CFAP299: variants seen among roughly 807,000 people sequenced by gnomAD.
CFAP299 encodes cilia- and flagella-associated protein 299.
Under a neutral mutation model 27.0 loss-of-function variants are expected in CFAP299, and 21 were observed. That is an observed-to-expected ratio of 0.78 (90% CI 0.55 to 1.12). The LOEUF is 1.12. CFAP299 is among the 50% of genes most tolerant of loss of function. The probability of loss-of-function intolerance (pLI) is 0.00; values close to 1 mark genes in which losing one functional copy is unlikely to be tolerated. For synonymous variants in CFAP299, 104 were observed against 98.1 expected (o/e 1.06, Z -0.36); for missense variants, 310 against 276.6 (o/e 1.12, Z -0.86).
At chr4:80,389,800 A>C (rs1428317586) in intron 2 of CFAP299, among the ~76,000 whole-genome samples, 8 of 152,174 alleles carry the variant, frequency 5.3e-5, no homozygotes, top group Non-Finnish European at 1.2e-4. Flanking sequence ...AGCATTTACT[A>C]TTTACTTCTT....
At chr4:80,347,580 T>A (rs1382752078) in intron 1 of CFAP299, among the ~76,000 whole-genome samples, 1 of 152,108 alleles carries the variant, frequency 6.6e-6, no homozygotes, top group Non-Finnish European at 1.5e-5. Flanking sequence ...ACAAGGAAAG[T>A]GAAGGACCTC....
intron 5 of CFAP299, 93 bp from the exon 6 acceptor site, chr4:80,963,424 T>C (rs982084064): frequency 1.8e-5 from 13 of 709,730 alleles, no homozygotes; most frequent in South Asian, 9.2e-5. Context: ...AGTTTTTTTT[T>C]CTGCAATATA....
intron 3 of CFAP299, among the ~76,000 whole-genome samples, chr4:80,661,015 A>T (rs1740814842): frequency 6.6e-6 from 1 of 152,052 alleles, no homozygotes; most frequent in Admixed American, 6.6e-5. Context: ...TGGATAGGAA[A>T]GTGCTAACTC....
intron 2 of CFAP299, among the ~76,000 whole-genome samples, chr4:80,495,819 A>G (rs1405753365): frequency 2.0e-5 from 3 of 152,216 alleles, no homozygotes; most frequent in Admixed American, 2.0e-4. Flanking sequence ...GAAACGTACA[A>G]CTTACCATTG....
intron 2 of CFAP299, among the ~76,000 whole-genome samples, chr4:80,528,589 C>T (rs1029560261): frequency 6.6e-6 from 1 of 152,146 alleles, no homozygotes; most frequent in East Asian, 1.9e-4. Context: ...TTGAAATGCT[C>T]ATTACTTTCA....
intron 5 of CFAP299, among the ~76,000 whole-genome samples, chr4:80,954,478 A>G (rs62302253): frequency 0.12 from 18,061 of 152,226 alleles, 1,214 homozygotes; most frequent in Non-Finnish European, 0.16. Flanking sequence ...TTGATAACTT[A>G]TAAGTGGCTA....
At chr4:80,560,783 G>T (rs1274171182) in intron 2 of CFAP299, among the ~76,000 whole-genome samples, 1 of 152,118 alleles carries the variant, frequency 6.6e-6, no homozygotes, top group African/African-American at 2.4e-5. Flanking sequence ...CTGAGTGCCA[G>T]CTCAGCTGCA....
At chr4:80,683,440 G>A (rs1342662090) in intron 3 of CFAP299, among the ~76,000 whole-genome samples, 3 of 152,118 alleles carry the variant, frequency 2.0e-5, no homozygotes, top group Admixed American at 6.5e-5. Context: ...TCCAAGGGAT[G>A]TTTAACAGGG....
intron 4 of CFAP299, among the ~76,000 whole-genome samples, chr4:80,898,634 C>T (rs1734731879): frequency 6.6e-6 from 1 of 151,936 alleles, no homozygotes; most frequent in South Asian, 2.1e-4. Context: ...TTCCTGTCTC[C>T]TGTTGCTATC....
At chr4:80,469,797 C>T (rs1418395920) in intron 2 of CFAP299, among the ~76,000 whole-genome samples, 1 of 151,962 alleles carries the variant, frequency 6.6e-6, no homozygotes, top group Non-Finnish European at 1.5e-5. Context: ...GACACTCAGT[C>T]CTATTAATAT....
At chr4:80,871,227 C>G in intron 4 of CFAP299, 1 of 985,444 alleles carries the variant, frequency 1.0e-6, no homozygotes, top group Non-Finnish European at 1.2e-6. Context: ...CTGTAATGGA[C>G]TTAGCTCTTT....
chr4:80,707,180 A>C (rs1239756839), intron 3 of CFAP299, among the ~76,000 whole-genome samples: 3 of 151,956 alleles, frequency 2.0e-5, no homozygotes, highest in Non-Finnish European at 2.9e-5. Context: ...AAAACATCTA[A>C]ATTTTAGAAC....
chr4:80,808,645 T>C (rs116178442), intron 3 of CFAP299, among the ~76,000 whole-genome samples: 118 of 152,234 alleles, frequency 7.8e-4, no homozygotes, highest in African/African-American at 2.6e-3. Flanking sequence ...TTTCATAAAA[T>C]AGGCATTTCA....
intron 3 of CFAP299, among the ~76,000 whole-genome samples, chr4:80,746,143 C>G (rs1724573986): frequency 1.3e-5 from 2 of 151,862 alleles, no homozygotes; most frequent in Admixed American, 1.3e-4. Context: ...CTTGTTTCAA[C>G]CACTTATTAA....
intron 3 of CFAP299, among the ~76,000 whole-genome samples, chr4:80,735,995 G>T (rs1463397860): frequency 6.6e-6 from 1 of 151,942 alleles, no homozygotes; most frequent in Non-Finnish European, 1.5e-5. Context: ...TCAGAAGTTT[G>T]AGTAAGAATG....
intron 4 of CFAP299, among the ~76,000 whole-genome samples, chr4:80,914,944 T>A (rs1470453417): frequency 6.6e-6 from 1 of 152,122 alleles, no homozygotes; most frequent in Non-Finnish European, 1.5e-5. Flanking sequence ...AGATGTTCAT[T>A]GTTTTTCTGT....
At chr4:80,465,238 G>A (rs889262175) in intron 2 of CFAP299, among the ~76,000 whole-genome samples, 2 of 152,142 alleles carry the variant, frequency 1.3e-5, no homozygotes, top group Non-Finnish European at 2.9e-5. Flanking sequence ...ATATGATACT[G>A]TAATTTGGAT....
chr4:80,872,072 AT>A, intron 4 of CFAP299: 1 of 151,696 alleles, frequency 6.6e-6, no homozygotes, highest in East Asian at 1.9e-4. Flanking sequence ...CACATTCTGG[AT>A]TTTACTGATC....
intron 2 of CFAP299, among the ~76,000 whole-genome samples, chr4:80,428,817 G>A (rs1727657516): frequency 6.6e-6 from 1 of 152,046 alleles, no homozygotes; most frequent in African/African-American, 2.4e-5. Flanking sequence ...GGGATTACAG[G>A]CGTGAGCCAC....
Sources: gnomAD v4.1 joint callset for allele counts (sites outside exome capture counted in the v4.1 genomes callset) on GRCh38, gnomAD v4.1.1 for gene constraint, MANE v1.5 for transcripts, NCBI Gene and HGNC (gene_info 2026-07-23, HGNC 2026-07-21) for gene names.